The following CDK14 variants were observed in gnomAD, a reference collection of about 807,000 sequenced individuals.
CDK14 encodes cyclin-dependent kinase 14.
In CDK14, 34 loss-of-function variants were observed where a neutral mutation model predicts 60.7. The ratio of observed to expected loss-of-function variants is 0.56; its 90% confidence interval spans 0.43 to 0.75. The LOEUF is 0.75. CDK14 is among the 30% of genes least tolerant of loss of function. The pLI is 0.00. For synonymous variants in CDK14, 197 were observed against 203.7 expected, an observed-to-expected ratio of 0.97 and a Z score of 0.28; for missense variants, 482 against 564.1, an observed-to-expected ratio of 0.85 and a Z score of 1.47.
chr7:90,857,527 G>T (rs564030292), intron 5 of CDK14, among the ~76,000 whole-genome samples: 1 of 152,242 alleles, frequency 6.6e-6, no homozygotes, highest in African/African-American at 2.4e-5. Flanking sequence ...AATCTCACTG[G>T]TGAAATAAAT....
intron 2 of CDK14, among the ~76,000 whole-genome samples, chr7:90,687,832 G>A (rs1801469935): frequency 6.6e-6 from 1 of 152,080 alleles, no homozygotes; most frequent in African/African-American, 2.4e-5. Context: ...TAGTATAAAA[G>A]CAATTTCTGA....
At chr7:91,025,302 C>T (rs1258474136) in intron 10 of CDK14, among the ~76,000 whole-genome samples, 1 of 152,044 alleles carries the variant, frequency 6.6e-6, no homozygotes, top group Non-Finnish European at 1.5e-5. Context: ...ACAGATGAGC[C>T]TGTTAAGGTA....
chr7:91,075,220 A>C (rs1396586209), intron 11 of CDK14, among the ~76,000 whole-genome samples: 3 of 152,266 alleles, frequency 2.0e-5, no homozygotes, highest in East Asian at 3.8e-4. Flanking sequence ...ATCCTTGATG[A>C]GCATTGAAAC....
intron 4 of CDK14, among the ~76,000 whole-genome samples, chr7:90,758,594 G>A (rs904657508): frequency 2.6e-5 from 4 of 152,090 alleles, no homozygotes; most frequent in Admixed American, 1.3e-4. Context: ...AATATTCATT[G>A]TATTGTTTAT....
chr7:90,778,132 A>C (rs1313046588), intron 4 of CDK14, among the ~76,000 whole-genome samples: 1 of 152,232 alleles, frequency 6.6e-6, no homozygotes. Flanking sequence ...CCAGACTCAT[A>C]AATACCAATG....
intron 10 of CDK14, among the ~76,000 whole-genome samples, chr7:91,010,513 G>A (rs1796120465): frequency 2.0e-5 from 3 of 151,844 alleles, no homozygotes; most frequent in Admixed American, 1.3e-4. Flanking sequence ...TTATGCTATT[G>A]TAAATGGTAT....
intron 14 of CDK14, among the ~76,000 whole-genome samples, chr7:91,147,929 A>G (rs183701640): frequency 1.3e-5 from 2 of 152,344 alleles, no homozygotes; most frequent in East Asian, 3.9e-4. Flanking sequence ...AAGTAGTAAA[A>G]AGAGACCTTG....
chr7:91,139,293 C>T (rs114858863), intron 14 of CDK14, among the ~76,000 whole-genome samples: 2,530 of 151,870 alleles, frequency 0.017, 65 homozygotes, highest in African/African-American at 0.056. Flanking sequence ...GTAGACTAAA[C>T]GGGAAAGGAA....
intron 2 of CDK14, among the ~76,000 whole-genome samples, chr7:90,620,242 A>G (rs970435587): frequency 6.6e-6 from 1 of 152,212 alleles, no homozygotes; most frequent in Non-Finnish European, 1.5e-5. Context: ...TAACTCAACA[A>G]ATTATTAACT....
chr7:91,184,230 C>G (rs1235770709), intron 14 of CDK14, among the ~76,000 whole-genome samples: 1 of 16,562 alleles, frequency 6.0e-5, no homozygotes, highest in East Asian at 2.0e-3. Flanking sequence ...AAAAAATTAG[C>G]TGATTGCGCC....
chr7:90,749,863 G>C (rs948150256), intron 4 of CDK14, among the ~76,000 whole-genome samples: 3 of 152,108 alleles, frequency 2.0e-5, no homozygotes, highest in Non-Finnish European at 4.4e-5. Context: ...CATGCCCCCA[G>C]GACTGAGAAG....
chr7:90,744,591 G>T (rs1212741531), intron 3 of CDK14, among the ~76,000 whole-genome samples: 1 of 151,536 alleles, frequency 6.6e-6, no homozygotes, highest in Non-Finnish European at 1.5e-5. Context: ...GGGCGGCCGG[G>T]CAGAAGCGCC....
chr7:91,091,228 T>C (rs1223911653), intron 12 of CDK14, among the ~76,000 whole-genome samples: 1 of 149,404 alleles, frequency 6.7e-6, no homozygotes, highest in African/African-American at 2.5e-5. Flanking sequence ...AGACCCTATC[T>C]GTAAAAAATT....
chr7:91,110,198 C>A (rs893695555), intron 12 of CDK14, among the ~76,000 whole-genome samples: 3 of 151,980 alleles, frequency 2.0e-5, no homozygotes, highest in African/African-American at 7.2e-5. Flanking sequence ...CATGTAGAGA[C>A]TTAAAATGAA....
intron 10 of CDK14, among the ~76,000 whole-genome samples, chr7:91,037,560 G>A (rs1358048456): frequency 6.6e-6 from 1 of 152,172 alleles, no homozygotes; most frequent in African/African-American, 2.4e-5. Context: ...TTCTCAGCCA[G>A]CTTCTCCTAG....
intron 5 of CDK14, among the ~76,000 whole-genome samples, chr7:90,851,896 A>G (rs776193729): frequency 1.3e-5 from 2 of 152,028 alleles, no homozygotes; most frequent in African/African-American, 2.4e-5. Flanking sequence ...GATCATAGTC[A>G]TAGTGTAACC....
intron 2 of CDK14, among the ~76,000 whole-genome samples, chr7:90,722,816 GGA>G (rs1802506243): frequency 6.6e-6 from 1 of 152,172 alleles, no homozygotes; most frequent in Non-Finnish European, 1.5e-5. Flanking sequence ...GCATGAAGAT[GGA>G]GAGAAAGCTG....
intron 14 of CDK14, among the ~76,000 whole-genome samples, chr7:91,152,038 T>A (rs1017186827): frequency 2.0e-5 from 3 of 152,210 alleles, no homozygotes; most frequent in African/African-American, 7.2e-5. Context: ...ACCAATGGGC[T>A]TGGTTGGCTT....
chr7:90,713,080 G>C (rs1802123925), intron 2 of CDK14, among the ~76,000 whole-genome samples: 1 of 152,072 alleles, frequency 6.6e-6, no homozygotes, highest in South Asian at 2.1e-4. Flanking sequence ...AAATAGTAGA[G>C]GGTGTAAATT....
Sources: allele counts gnomAD v4.1 joint callset (sites outside exome capture counted in the v4.1 genomes callset), GRCh38; gene constraint gnomAD v4.1.1; transcripts MANE v1.5; gene names NCBI Gene and HGNC (gene_info 2026-07-23, HGNC 2026-07-21).